IGF2R: variants seen among roughly 807,000 people sequenced by gnomAD.
IGF2R encodes the protein cation-independent mannose-6-phosphate receptor.
In IGF2R, 91 loss-of-function variants were observed where a neutral mutation model predicts 270.6. The observed-to-expected ratio is 0.34, with a 90% CI of 0.28 to 0.40. IGF2R has a LOEUF of 0.40. Ranked by LOEUF, IGF2R falls within the 10% of genes least tolerant of loss-of-function variation. The pLI is 1.00. For synonymous variants in IGF2R, 1,316 were observed against 1,258.9 expected (o/e 1.05, Z -0.96); for missense variants, 2,805 against 3,188.3 (o/e 0.88, Z 2.90).
In IGF2R at chr6:159,969,122, C is replaced by G. The variant is rs574617779; in HGVS notation, c.-125C>G. ...GCCGAGCCCAGTCGAGCCGCGCTCA[C>G]CTCGGGCTCCCGCTCCGTCTCCACC... On this transcript the variant is annotated 5_prime_UTR_variant, in exon 1 of 48. Coordinates refer to ENST00000356956, the MANE Select transcript of IGF2R (RefSeq NM_000876.4). The G allele has an allele frequency of 5.7e-3, 2,792 of 489,120 alleles. 19 individuals are homozygous for G. Among genetic ancestry groups the G allele is most frequent in the South Asian group, 7.3e-3 (86 of 11,728 alleles). The allele number at this position is 489,120 out of a possible 1,614,324, so 30.3% of individuals were successfully genotyped here. A position where few individuals can be genotyped will look rare whatever the true frequency, so the allele number is the denominator to read the frequency against.
In IGF2R at chr6:160,105,139, C is replaced by T. The variant is rs899967031; in HGVS notation, c.*55C>T. ...CCGCGGGACAGCCAAGCACCTCCAA[C>T]CAAATAAGACTTCCACTCGATGATG... On this transcript the variant is annotated 3_prime_UTR_variant, in exon 48 of 48. Coordinates refer to ENST00000356956, the MANE Select transcript of IGF2R (RefSeq NM_000876.4). 2 of 1,369,080 alleles carry T rather than the reference C, an allele frequency of 1.5e-6. No homozygotes were observed. Among genetic ancestry groups the T allele is most frequent in the African/African-American group, 2.9e-5 (2 of 68,196 alleles). 84.8% of individuals were successfully genotyped at this position (1,369,080 alleles called of 1,614,324 possible).
intron 4 of IGF2R, among the ~76,000 whole-genome samples, 193 bp downstream of exon 4, chr6:160,010,978 T>C (rs1287275889): frequency 1.3e-5 from 2 of 152,226 alleles, no homozygotes; most frequent in African/African-American, 4.8e-5. Flanking sequence ...GCATTTAAAA[T>C]ATCACAGGAT....
intron 35 of IGF2R, 125 bp from the exon 36 acceptor site, chr6:160,075,722 T>C (rs1046296058): frequency 2.2e-6 from 2 of 910,048 alleles, no homozygotes; most frequent in Non-Finnish European, 1.7e-6. Flanking sequence ...CCAGTTTCTT[T>C]AGATGCTGCT....
chr6:160,061,767 T>A lies in IGF2R; in HGVS notation c.3421T>A (p.Ser1141Thr). ...TGTTCTTCCAGGCAGCGCAGTGGGG[T>A]CTTGCTTAGTGTCAGAAGGCAATAG... ...IPGCQGSAVG[S>T]CLVSEGNSWN... is the part of the protein sequence containing the mutation. Residue 1141 changes from serine (S) to threonine (T), a missense_variant, in exon 25 of 48, where the codon TCT becomes ACT. Ser to Thr is a moderately conservative substitution (Grantham distance 58). Coordinates refer to ENST00000356956, the MANE Select transcript of IGF2R (RefSeq NM_000876.4). The A allele has an allele frequency of 6.2e-7, 1 of 1,614,124 alleles. No individual in the cohort carries two copies.
chr6:160,079,004 A>G (rs960845866), intron 37 of IGF2R, among the ~76,000 whole-genome samples: 2 of 152,304 alleles, frequency 1.3e-5, no homozygotes, highest in Admixed American at 1.3e-4. Flanking sequence ...GGACTGGGGT[A>G]CGGAACCCCA....
intron 4 of IGF2R, among the ~76,000 whole-genome samples, chr6:160,021,047 A>G (rs1017032981): frequency 3.3e-5 from 5 of 152,206 alleles, no homozygotes; most frequent in African/African-American, 9.6e-5. Context: ...TTTAAACTCT[A>G]CATTCAACAA....
chr6:160,084,228 T>C lies in IGF2R; in HGVS notation c.6068+44T>C. The C allele has an allele frequency of 8.4e-7, 1 of 1,196,932 alleles. No individual in the cohort carries two copies. The allele number at this position is 1,196,932 out of a possible 1,614,324, so 74.1% of individuals were successfully genotyped here. ...CACCCGCGGCGCCACACCCTCAGCA[T>C]GTGAACTTCAGACTGCTTGACGATG... On this transcript the variant is annotated intron_variant, in intron 40 of 47. Coordinates refer to ENST00000356956, the MANE Select transcript of IGF2R (RefSeq NM_000876.4). This position sits in a 1 kb window ranked among gnomAD's most constrained non-coding sequence, Gnocchi z 4.6.
At chr6:160,098,902 C>A (rs1779423765) in intron 45 of IGF2R, among the ~76,000 whole-genome samples, 1 of 152,172 alleles carries the variant, frequency 6.6e-6, no homozygotes, top group Non-Finnish European at 1.5e-5. Context: ...TTAGCTATTT[C>A]TTCTGGAATT....
At chr6:160,094,155 C>T in intron 44 of IGF2R, 4 of 404,460 alleles carry the variant, frequency 9.9e-6, no homozygotes, top group South Asian at 8.0e-5. Flanking sequence ...CAACACAAAC[C>T]TGCTTTTGGT....
At chr6:160,093,847 C>G (rs1779286845) in intron 44 of IGF2R, 2 of 729,430 alleles carry the variant, frequency 2.7e-6, no homozygotes, top group Admixed American at 3.5e-5. Flanking sequence ...AAATAAATAT[C>G]TCAGATAAGC....
chr6:160,072,922 C>G (rs558766744), intron 33 of IGF2R, 38 bp downstream of exon 33: 1 of 1,582,898 alleles, frequency 6.3e-7, no homozygotes, highest in Non-Finnish European at 8.6e-7. Flanking sequence ...TCTGACTCTC[C>G]CGTCCTCTGG....
chr6:160,023,554 A>G (rs1241543762), intron 4 of IGF2R, among the ~76,000 whole-genome samples: 2 of 152,208 alleles, frequency 1.3e-5, no homozygotes, highest in Non-Finnish European at 2.9e-5. Context: ...CTCAGGCCTT[A>G]CAGCAGCCCC....
intron 31 of IGF2R, 148 bp from the exon 32 acceptor site, chr6:160,071,762 A>T: frequency 1.9e-6 from 2 of 1,048,630 alleles, no homozygotes; most frequent in Non-Finnish European, 2.9e-6. Flanking sequence ...TGCTTTTCCT[A>T]ATCTGCGCCT....
chr6:160,029,260 G>T (rs542375009), intron 6 of IGF2R, among the ~76,000 whole-genome samples: 1 of 152,156 alleles, frequency 6.6e-6, no homozygotes, highest in Non-Finnish European at 1.5e-5. Flanking sequence ...GATTACAGGC[G>T]TGAGCCATCG....
At chr6:159,986,370 T>A (rs1783884131) in intron 1 of IGF2R, among the ~76,000 whole-genome samples, 1 of 151,448 alleles carries the variant, frequency 6.6e-6, no homozygotes, top group Admixed American at 6.6e-5. Flanking sequence ...TAGTTGGGAC[T>A]ATAAGCGTGC....
chr6:160,040,577 A>T lies in IGF2R; in HGVS notation c.1333A>T (p.Thr445Ser), dbSNP rs545847434. ...NKTAGNDGKG[T>S]PVFTGEVDCT... ...TTGTGCAGGTAACGATGGGAAAGGA[A>T]CTCCTGTATTCACAGGGGAGGTTGA... Residue 445 changes from threonine (T) to serine (S), a missense_variant, in exon 11 of 48, where the codon ACT becomes TCT. By Grantham distance (58) the Thr-to-Ser change is moderately conservative (BLOSUM62 1). Coordinates refer to ENST00000356956, the MANE Select transcript of IGF2R (RefSeq NM_000876.4). 6.2e-6 allele frequency: 10 copies of T among 1,613,732 alleles called. No homozygotes were observed. The African/African-American group carries it at 1.3e-4, about 22-fold the overall frequency.
At chr6:160,049,372 C>G (rs954669360) in intron 18 of IGF2R, among the ~76,000 whole-genome samples, 1 of 152,156 alleles carries the variant, frequency 6.6e-6, no homozygotes, top group Non-Finnish European at 1.5e-5. Flanking sequence ...AGTGTAGTGG[C>G]CCAATGTGCA....
chr6:160,065,814 GTATATATATATATATATA>G (rs59035193), intron 29 of IGF2R, among the ~76,000 whole-genome samples: 34 of 78,388 alleles, frequency 4.3e-4, no homozygotes, highest in South Asian at 3.1e-3. Flanking sequence ...GTGTGTGTGT[GTATATATATATATATATA>G]TATATATATA....
At chr6:160,021,534 G>A (rs1168516904) in intron 4 of IGF2R, among the ~76,000 whole-genome samples, 1 of 150,732 alleles carries the variant, frequency 6.6e-6, no homozygotes, top group Non-Finnish European at 1.5e-5. Context: ...CATGGCACAT[G>A]TATACATATG....
Sources: allele counts gnomAD v4.1 joint callset (sites outside exome capture counted in the v4.1 genomes callset), GRCh38; gene constraint gnomAD v4.1.1; non-coding constraint Gnocchi (gnomAD v3.1); transcripts MANE v1.5; gene names NCBI Gene and HGNC (gene_info 2026-07-23, HGNC 2026-07-21).